CALN1: variants seen among roughly 807,000 people sequenced by gnomAD.
The protein encoded by CALN1 is calneuron 1, also known as calcium-binding protein 8.
In CALN1, 17 loss-of-function variants were observed where a neutral mutation model predicts 30.6. That is an observed-to-expected ratio of 0.56 (90% CI 0.38 to 0.83). The LOEUF (loss-of-function observed/expected upper bound fraction) is 0.83. CALN1 is among the 40% of genes least tolerant of loss of function. The pLI is 0.00. For synonymous variants in CALN1, 156 were observed against 131.4 expected (o/e 1.19, Z -1.28); for missense variants, 291 against 354.9 (o/e 0.82, Z 1.45).
chr7:72,414,513 A>G (rs1368867754), upstream of CALN1, among the ~76,000 whole-genome samples: 1 of 152,150 alleles, frequency 6.6e-6, no homozygotes, highest in African/African-American at 2.4e-5. Flanking sequence ...ACTCCACCCT[A>G]ACACTAGCAT....
At chr7:72,425,510 A>G (rs984051666) in intron 1 of CALN1, among the ~76,000 whole-genome samples, 12 of 152,214 alleles carry the variant, frequency 7.9e-5, no homozygotes, top group Admixed American at 3.3e-4. Flanking sequence ...CATGAGTTCC[A>G]GCACAGCTTC....
At chr7:72,217,622 G>A (rs779790238) in intron 3 of CALN1, among the ~76,000 whole-genome samples, 8 of 151,862 alleles carry the variant, frequency 5.3e-5, no homozygotes, top group East Asian at 1.9e-4. Flanking sequence ...GAAGAAGGAC[G>A]ATTTCACAGG....
rs368540088 is a variant in CALN1, at chr7:72,006,727, TC to T, written c.501+16929del. ...GGCTATTTATAGGTATAAATGGTAATCATGGATGCATAATGGAAGTGCCATA... is the reference window on the plus strand; with the variant it reads ...GGCTATTTATAGGTATAAATGGTAATATGGATGCATAATGGAAGTGCCATA... On this transcript the variant is annotated intron_variant, in intron 5 of 6. Coordinates refer to ENST00000395275, the MANE Select transcript of CALN1 (RefSeq NM_031468.4). 1.4e-3 allele frequency among the ~76,000 whole-genome samples: 209 copies of T among 152,274 alleles called. 5 individuals carry two copies. The East Asian group carries it at 0.031, about 23-fold the overall frequency.
At chr7:72,225,543 C>T (rs1021259086) in intron 3 of CALN1, among the ~76,000 whole-genome samples, 1 of 151,922 alleles carries the variant, frequency 6.6e-6, no homozygotes, top group Non-Finnish European at 1.5e-5. Context: ...AGCAGCTAGA[C>T]GGAAAGATCA....
chr7:72,185,463 C>G (rs1268388994), intron 3 of CALN1, among the ~76,000 whole-genome samples: 5 of 152,262 alleles, frequency 3.3e-5, no homozygotes, highest in African/African-American at 9.6e-5. Context: ...CAGAACTTCC[C>G]TTTTCAAGGC....
At chr7:72,411,221 A>C (rs1470922003) in intron 1 of CALN1, among the ~76,000 whole-genome samples, 1 of 152,230 alleles carries the variant, frequency 6.6e-6, no homozygotes. Context: ...TGAAACATGC[A>C]AACACAACTG....
intron 2 of CALN1, among the ~76,000 whole-genome samples, chr7:72,336,202 T>G (rs1427231419): frequency 6.6e-6 from 1 of 151,862 alleles, no homozygotes; most frequent in Non-Finnish European, 1.5e-5. Context: ...GAACCCTGCC[T>G]CCCGCCTCCC....
chr7:72,409,223 T>C (rs1441388275), intron 1 of CALN1, among the ~76,000 whole-genome samples: 2 of 151,056 alleles, frequency 1.3e-5, no homozygotes, highest in African/African-American at 4.9e-5. Context: ...CTCCAAGTCC[T>C]GACCTCATGA....
At position 71,973,484 on chromosome 7, in the gene CALN1, G is replaced by T. The variant is rs1210044387; in HGVS notation, c.501+50173C>A. On this transcript the variant is annotated intron_variant, in intron 5 of 6. Coordinates refer to ENST00000395275, the MANE Select transcript of CALN1 (RefSeq NM_031468.4). Reference sequence around the variant, plus strand: ...AGCCACCTTGCCCAGCCTGAATTCTGGTTTGAGTATTCCTTGCTTCTGATG... The same window carrying T: ...AGCCACCTTGCCCAGCCTGAATTCTTGTTTGAGTATTCCTTGCTTCTGATG... 2.0e-5 allele frequency among the ~76,000 whole-genome samples: 3 copies of T among 151,944 alleles called. No homozygotes were observed. In the South Asian group the frequency reaches 6.2e-4, roughly 32 times the overall value.
At chr7:72,299,667 A>G (rs1186220423) in intron 2 of CALN1, among the ~76,000 whole-genome samples, 2 of 149,698 alleles carry the variant, frequency 1.3e-5, no homozygotes, top group African/African-American at 2.5e-5. Context: ...AAGAAATACA[A>G]TTTTTTAAAA....
intron 2 of CALN1, among the ~76,000 whole-genome samples, chr7:72,325,152 G>C (rs1801183175): frequency 6.6e-6 from 1 of 151,978 alleles, no homozygotes; most frequent in African/African-American, 2.4e-5. Context: ...AATTTTAAAA[G>C]TAGCTGAGCT....
intron 6 of CALN1, among the ~76,000 whole-genome samples, chr7:71,798,067 G>GAGAC (rs1787036654): frequency 2.2e-5 from 3 of 137,634 alleles, no homozygotes; most frequent in South Asian, 4.7e-4. Context: ...GAGACAGAGA[G>GAGAC]AGAGAGAGAG....
Position 72,316,661 on chromosome 7 carries a change from G to C in CALN1, c.120-37851C>G, listed in dbSNP as rs540541758. ...ACTTAAAAGAATATTTTAGGCCGGG[G>C]GCAGTGTCTCATGCCTGAAACCCCA... On this transcript the variant is annotated intron_variant, in intron 2 of 6. Transcript: ENST00000395275. Among the ~76,000 whole-genome samples, 15 of 152,170 alleles carry C rather than the reference G, an allele frequency of 9.9e-5. No homozygotes were observed. In the South Asian group the frequency reaches 3.1e-3, roughly 32 times the overall value.
At chr7:72,450,147 C>T (rs1022770146), upstream of CALN1, among the ~76,000 whole-genome samples, 40 of 150,240 alleles carry the variant, frequency 2.7e-4, no homozygotes, top group Admixed American at 1.2e-3. Context: ...TCAAGGTTAC[C>T]GTGAGCCACG....
In CALN1 at chr7:72,221,146, C is replaced by A. The variant is rs1585199099; in HGVS notation, c.244+57540G>T. On this transcript the variant is annotated intron_variant, in intron 3 of 6. Transcript: ENST00000395275. Reference sequence around the variant, plus strand: ...TTGCAACAATTTCTAAAACCATAAACATGATGTTGGCGAAAGGGTGGTGAA... The same window carrying A: ...TTGCAACAATTTCTAAAACCATAAAAATGATGTTGGCGAAAGGGTGGTGAA... Among the ~76,000 whole-genome samples, 3 of 151,982 alleles carry A rather than the reference C, an allele frequency of 2.0e-5. No individual in the cohort carries two copies. The South Asian group carries it at 6.2e-4, about 32-fold the overall frequency.
intron 2 of CALN1, among the ~76,000 whole-genome samples, chr7:72,396,097 G>A (rs1050119968): frequency 2.6e-5 from 4 of 151,526 alleles, no homozygotes; most frequent in Non-Finnish European, 4.4e-5. Context: ...TACATGAGGC[G>A]AGATTAAGAA....
At chr7:72,079,458 G>A (rs753696282) in intron 4 of CALN1, among the ~76,000 whole-genome samples, 5 of 152,024 alleles carry the variant, frequency 3.3e-5, no homozygotes, top group Non-Finnish European at 7.4e-5. Context: ...TTTTCCTTTT[G>A]CCACGTAGCT....
Position 71,921,369 on chromosome 7 carries a change from A to C in CALN1, c.501+102288T>G, listed in dbSNP as rs192421989. Among the ~76,000 whole-genome samples the C allele has an allele frequency of 1.1e-4, 17 of 152,348 alleles. No homozygotes were observed. In the East Asian group the frequency reaches 3.1e-3, roughly 28 times the overall value. On this transcript the variant is annotated intron_variant, in intron 5 of 6. Coordinates refer to ENST00000395275, the MANE Select transcript of CALN1 (RefSeq NM_031468.4). Reference sequence around the variant, plus strand: ...AGACTTAAAGTATAATAATAAAAAAAGAACCTTGTAAGTAAGTTATATAGA... The same window carrying C: ...AGACTTAAAGTATAATAATAAAAAACGAACCTTGTAAGTAAGTTATATAGA...
intron 2 of CALN1, among the ~76,000 whole-genome samples, chr7:72,397,751 C>CACACA (rs869209266): frequency 6.8e-6 from 1 of 147,494 alleles, no homozygotes; most frequent in Non-Finnish European, 1.5e-5. Context: ...CACACACACA[C>CACACA]CTTGCTCCAA....
Sources: gnomAD v4.1 joint callset for allele counts (sites outside exome capture counted in the v4.1 genomes callset) on GRCh38, gnomAD v4.1.1 for gene constraint, MANE v1.5 for transcripts, NCBI Gene and HGNC (gene_info 2026-07-23, HGNC 2026-07-21) for gene names.